Variants in HLA-DQB2 observed in about 807,000 individuals in gnomAD.
HLA-DQB2 encodes major histocompatibility complex, class II, DQ beta 2, also known as HLA class II histocompatibility antigen, DQ beta 2 chain.
Under a neutral mutation model 29.2 loss-of-function variants are expected in HLA-DQB2, and 24 were observed. That is an observed-to-expected ratio of 0.82 (90% confidence interval 0.60 to 1.16). The LOEUF (loss-of-function observed/expected upper bound fraction) is 1.16. Among genes scored for constraint, HLA-DQB2 ranks in the 50% most tolerant of loss-of-function variants. HLA-DQB2 has a pLI of 0.00. For missense variants in HLA-DQB2, 273 were observed against 343.6 expected, an observed-to-expected ratio of 0.79 and a Z score of 1.62; for synonymous variants, 104 against 133.1, an observed-to-expected ratio of 0.78 and a Z score of 1.51.
chr6:32,757,081 G>A lies in HLA-DQB2; in HGVS notation c.781+200C>T, dbSNP rs112239177. ...ATCGCCCAGACTGGAGTGCAGTGGC[G>A]CCATCTTGGCTCACTGCAACCTCTG... On this transcript the variant is annotated intron_variant, in intron 5 of 5. Transcript: ENST00000437316. 6.1e-4 allele frequency: 860 copies of A among 1,410,042 alleles called. 4 individuals are homozygous for A. The African/African-American group carries it at 0.01, about 17-fold the overall frequency. 87.3% of individuals were successfully genotyped at this position (1,410,042 alleles called of 1,614,324 possible).
intron 1 of HLA-DQB2, among the ~76,000 whole-genome samples, chr6:32,762,646 G>A (rs1016431250): frequency 1.3e-5 from 2 of 152,174 alleles, no homozygotes; most frequent in African/African-American, 4.8e-5. Context: ...CATATCACAA[G>A]TATAATTACA....
intron 1 of HLA-DQB2, among the ~76,000 whole-genome samples, 174 bp from the exon 2 acceptor site, chr6:32,762,100 G>A (rs1369243704): frequency 1.3e-5 from 2 of 151,846 alleles, no homozygotes; most frequent in African/African-American, 2.4e-5. Context: ...TGGGATCCTC[G>A]AGGCATCTCT....
intron 3 of HLA-DQB2, 85 bp downstream of exon 3, chr6:32,758,765 C>A: frequency 7.5e-7 from 1 of 1,334,376 alleles, no homozygotes; most frequent in Non-Finnish European, 1.0e-6. Context: ...ATGTCAGGGA[C>A]AAGAGATGGG....
chr6:32,761,934 G>A lies in HLA-DQB2; in HGVS notation c.98-8C>T. Reference sequence around the variant, plus strand: ...ACTGGACCAAGAAATCCTCTGCGGAGAATCACGGCGGGTCAGTCAGGCCCC... The same window carrying A: ...ACTGGACCAAGAAATCCTCTGCGGAAAATCACGGCGGGTCAGTCAGGCCCC... On this transcript the variant is annotated splice_region_variant and splice_polypyrimidine_tract_variant and intron_variant, in intron 1 of 5. Transcript: ENST00000437316. 1 of 1,603,332 alleles carries A rather than the reference G, an allele frequency of 6.2e-7. No individual in the cohort carries two copies. Among genetic ancestry groups the A allele is most frequent in the Non-Finnish European group, 8.5e-7 (1 of 1,175,588 alleles).
At position 32,761,825 on chromosome 6, in the gene HLA-DQB2, G is replaced by C. The variant is rs764372793; in HGVS notation, c.199C>G (p.Arg67Gly). ...AACTCCCCAACGTCGCTGTCGAAGC[G>C]CCCGTACTCCTCGCGGTTATAGATG... The part of the protein sequence containing the change: ...RYIYNREEYG[R>G]FDSDVGEFQA... Residue 67 changes from arginine to glycine, a missense_variant, in exon 2 of 6, where the codon CGC becomes GGC. Arg to Gly is a moderately radical substitution (Grantham distance 125, BLOSUM62 -2). Transcript: ENST00000437316. The C allele has an allele frequency of 6.2e-7, 1 of 1,605,082 alleles. No homozygotes were observed. Among genetic ancestry groups the C allele is most frequent in the Non-Finnish European group, 8.5e-7 (1 of 1,175,764 alleles).
intron 1 of HLA-DQB2, 31 bp from the exon 2 acceptor site, chr6:32,761,957 C>G (rs2008560): frequency 0.54 from 846,010 of 1,578,076 alleles, 234,615 homozygotes; most frequent in East Asian, 0.82. Flanking sequence ...TCAGTCAGGC[C>G]CCAGCACGGC....
chr6:32,759,624 T>G (rs1250433231), intron 2 of HLA-DQB2, among the ~76,000 whole-genome samples: 1 of 152,266 alleles, frequency 6.6e-6, no homozygotes, highest in Non-Finnish European at 1.5e-5. Flanking sequence ...GTATGCTTTA[T>G]TTACTTGGTA....
chr6:32,762,008 T>G (rs973323340), intron 1 of HLA-DQB2, 82 bp from the exon 2 acceptor site: 13 of 1,521,622 alleles, frequency 8.5e-6, no homozygotes, highest in Non-Finnish European at 9.7e-6. Context: ...CTTCAGCCGC[T>G]GCCCTGACCC....
intron 1 of HLA-DQB2, 47 bp from the exon 2 acceptor site, chr6:32,761,973 C>G (rs1290758711): frequency 6.4e-7 from 1 of 1,568,352 alleles, no homozygotes; most frequent in Non-Finnish European, 8.6e-7. Context: ...ACGGCCCTAG[C>G]CCCAGCCCCC....
In HLA-DQB2 at chr6:32,761,532, G is replaced by C; in HGVS notation, c.364+128C>G. The C allele has an allele frequency of 4.7e-6, 5 of 1,068,230 alleles. No individual in the cohort carries two copies. In the South Asian group the frequency reaches 5.0e-5, roughly 11 times the overall value. The allele number at this position is 1,068,230 out of a possible 1,614,324, so 66.2% of individuals were successfully genotyped here. On this transcript the variant is annotated intron_variant, in intron 2 of 5. Transcript: ENST00000437316. ...ATACTACCCCAGCCTCCAAATCCCCGCCACCTTCCTGTACCCTGGGATGGA... is the reference window on the plus strand; with the variant it reads ...ATACTACCCCAGCCTCCAAATCCCCCCCACCTTCCTGTACCCTGGGATGGA...
chr6:32,757,382 G>T, intron 4 of HLA-DQB2, 78 bp from the exon 5 acceptor site: 2 of 1,078,286 alleles, frequency 1.9e-6, no homozygotes, highest in Non-Finnish European at 2.8e-6. Context: ...AATGACACAT[G>T]TAGTTTAATT....
In HLA-DQB2 at chr6:32,756,335, C is replaced by A; in HGVS notation, c.*118G>T. 1.4e-6 allele frequency: 1 copy of A among 713,428 alleles called. No individual in the cohort carries two copies. Among genetic ancestry groups the A allele is most frequent in the South Asian group, 1.6e-5 (1 of 61,914 alleles). 44.2% of individuals were successfully genotyped at this position (713,428 alleles called of 1,614,324 possible). On this transcript the variant is annotated 3_prime_UTR_variant, in exon 6 of 6. Coordinates refer to ENST00000437316, the MANE Select transcript of HLA-DQB2 (RefSeq NM_001300790.2). ...GAAGGTGACCTGTGGCTGCATGAGC[C>A]ACTGTAGGACTCTGACCTCAGTGGG...
intron 5 of HLA-DQB2, 65 bp downstream of exon 5, chr6:32,757,216 C>T: frequency 6.5e-7 from 1 of 1,548,990 alleles, no homozygotes; most frequent in Non-Finnish European, 8.7e-7. Context: ...GATGCGGTTT[C>T]ACCATGGCTC....
chr6:32,759,817 T>C (rs1040016021), intron 2 of HLA-DQB2, among the ~76,000 whole-genome samples: 1 of 152,260 alleles, frequency 6.6e-6, no homozygotes, highest in Non-Finnish European at 1.5e-5. Context: ...GAGGTTGGCC[T>C]GGGTGAATGT....
rs1200235913 is a variant in HLA-DQB2 at position 32,763,432 on chromosome 6, AGCT to A, written c.36_38del (p.Ala13del). Reference sequence around the variant, plus strand: ...TCAGCATCACCAGCATCACGGTCACAGCTGCTGCCCAAAAGCCTCCAGGGATCT... The same window carrying A: ...TCAGCATCACCAGCATCACGGTCACAGCTGCCCAAAAGCCTCCAGGGATCT... On this transcript the variant is annotated inframe_deletion, in exon 1 of 6. Transcript: ENST00000437316. 1.3e-6 allele frequency: 2 copies of A among 1,564,180 alleles called. No homozygotes were observed. The highest frequency in any genetic ancestry group is 1.7e-6 in the Non-Finnish European group (2 of 1,153,768).
chr6:32,761,607 G>A (rs1554212159), intron 2 of HLA-DQB2, 53 bp downstream of exon 2: 1 of 1,503,116 alleles, frequency 6.7e-7, no homozygotes, highest in South Asian at 1.3e-5. Flanking sequence ...CTGTGCGCAA[G>A]AGACTCGGGC....
intron 5 of HLA-DQB2, 136 bp from the exon 6 acceptor site, chr6:32,756,602 T>C (rs1330399300): frequency 4.1e-6 from 6 of 1,450,566 alleles, no homozygotes; most frequent in Non-Finnish European, 5.4e-6. Context: ...CGTTCCCCAA[T>C]ATCTGTGTAA....
intron 1 of HLA-DQB2, 100 bp from the exon 2 acceptor site, chr6:32,762,026 A>T: frequency 1.4e-6 from 2 of 1,475,052 alleles, no homozygotes; most frequent in South Asian, 2.5e-5. Context: ...CCCGGCCAGC[A>T]GCTGCGAAAC....
intron 2 of HLA-DQB2, among the ~76,000 whole-genome samples, chr6:32,759,405 G>GAAA (rs1764580536): frequency 1.7e-5 from 2 of 120,776 alleles, no homozygotes; most frequent in South Asian, 2.6e-4. Flanking sequence ...ATATTTGAAG[G>GAAA]AAAAGTAGGC....
Sources: gnomAD v4.1 joint callset for allele counts (sites outside exome capture counted in the v4.1 genomes callset) on GRCh38, gnomAD v4.1.1 for gene constraint, MANE v1.5 for transcripts, NCBI Gene and HGNC (gene_info 2026-07-23, HGNC 2026-07-21) for gene names.